The following PPP1R14B variants were observed in gnomAD, a reference collection of about 807,000 sequenced individuals.
The protein encoded by PPP1R14B is protein phosphatase 1 regulatory subunit 14B.
PPP1R14B carries 4 observed loss-of-function variants against 14.7 expected under a neutral mutation model. The observed-to-expected ratio is 0.27, with a 90% confidence interval of 0.13 to 0.62. PPP1R14B has a LOEUF of 0.62. Ranked by LOEUF, PPP1R14B falls within the 20% of genes least tolerant of loss-of-function variation. The pLI, the probability that PPP1R14B is intolerant of heterozygous loss-of-function variation, is 0.85. For missense variants in PPP1R14B, 138 were observed against 201.5 expected (o/e 0.68, Z 1.91); for synonymous variants, 76 against 87.3 (o/e 0.87, Z 0.72).
intron 1 of PPP1R14B, chr11:64,245,934 G>A (rs11605738): frequency 0.17 from 26,620 of 159,818 alleles, 2,498 homozygotes; most frequent in Admixed American, 0.27. Flanking sequence ...GAACAACCAG[G>A]GAGTCATGGG....
chr11:64,244,745 C>T lies in PPP1R14B; in HGVS notation c.*9G>A, dbSNP rs761717693. On this transcript the variant is annotated 3_prime_UTR_variant, in exon 4 of 4. Coordinates refer to ENST00000309318, the MANE Select transcript of PPP1R14B (RefSeq NM_138689.3). Reference sequence around the variant, plus strand: ...TGTGGGAGCCACCGTTCTCCTGGGTCGGGGACCGTCACTTCTTCTGGGGTG... The same window carrying T: ...TGTGGGAGCCACCGTTCTCCTGGGTTGGGGACCGTCACTTCTTCTGGGGTG... 58 of 1,612,390 alleles carry T rather than the reference C, an allele frequency of 3.6e-5. No homozygotes were observed. Among genetic ancestry groups the T allele is most frequent in the Admixed American group, 6.7e-5 (4 of 59,990 alleles).
chr11:64,245,003 G>A, intron 2 of PPP1R14B, 41 bp from the exon 3 acceptor site: 1 of 1,584,112 alleles, frequency 6.3e-7, no homozygotes, highest in Non-Finnish European at 8.6e-7. Flanking sequence ...GAGTCCTCAG[G>A]AGTGGGGGCC....
Position 64,246,728 on chromosome 11 carries a change from C to T in PPP1R14B, c.-55G>A. 1 of 1,000,368 alleles carries T rather than the reference C, an allele frequency of 1.0e-6. No homozygotes were observed. The highest frequency in any genetic ancestry group is 5.0e-4 in the Middle Eastern group (1 of 1,998). 62.0% of individuals were successfully genotyped at this position (1,000,368 alleles called of 1,614,324 possible). A position where few individuals can be genotyped will look rare whatever the true frequency, so the allele number is the denominator to read the frequency against. ...GGGCCCCTCCCTGCGCCACCGCCTC[C>T]GGGACGCCCGCCGGCTGGCTCGGGT... On this transcript the variant is annotated 5_prime_UTR_variant, in exon 1 of 4. Coordinates refer to ENST00000309318, the MANE Select transcript of PPP1R14B (RefSeq NM_138689.3).
intron 1 of PPP1R14B, chr11:64,245,574 A>G: frequency 2.4e-6 from 1 of 420,096 alleles, no homozygotes; most frequent in Admixed American, 4.1e-5. Flanking sequence ...AACCCAGCAG[A>G]TGTGTCTCCC....
chr11:64,244,915 C>T lies in PPP1R14B; in HGVS notation c.375+15G>A. The T allele has an allele frequency of 2.5e-6, 4 of 1,612,158 alleles. No individual in the cohort carries two copies. The highest frequency in any genetic ancestry group is 3.4e-6 in the Non-Finnish European group (4 of 1,178,636). On this transcript the variant is annotated intron_variant, in intron 3 of 3. Coordinates refer to ENST00000309318, the MANE Select transcript of PPP1R14B (RefSeq NM_138689.3). ...CACCCTGCCACCCCCGCCAGCCCCCCAGGAAATCTCTTACCTCTGTGGGTT... is the reference window on the plus strand; with the variant it reads ...CACCCTGCCACCCCCGCCAGCCCCCTAGGAAATCTCTTACCTCTGTGGGTT...
chr11:64,244,881 G>T (rs747699319), intron 3 of PPP1R14B, 49 bp downstream of exon 3: 1 of 1,612,128 alleles, frequency 6.2e-7, no homozygotes, highest in Non-Finnish European at 8.5e-7. Context: ...ACAGGAGCCG[G>T]GCTCCCCTCA....
chr11:64,245,236 C>G lies in PPP1R14B; in HGVS notation c.310G>C (p.Glu104Gln). 6.2e-7 allele frequency: 1 copy of G among 1,613,652 alleles called. No homozygotes were observed. Among genetic ancestry groups the G allele is most frequent in the Non-Finnish European group, 8.5e-7 (1 of 1,179,698 alleles). Residue 104 changes from glutamate to glutamine, a missense_variant, in exon 2 of 4, where the codon GAG (glutamate) becomes CAG (glutamine). Physicochemically the swap from Glu to Gln is conservative, Grantham distance 29. Around this residue, in one of 3 missense-constraint regions of PPP1R14B, gnomAD observed 84 missense variants for 137.5 expected, o/e 0.61. Coordinates refer to ENST00000309318, the MANE Select transcript of PPP1R14B (RefSeq NM_138689.3). ...EIDVDELLDMESDDARAARVK... is the reference protein window; with the variant it reads ...EIDVDELLDMQSDDARAARVK... Reference sequence around the variant, plus strand: ...CTGGCAGCCCGGGCATCGTCACTCTCCATGTCCAGGAGCTCATCCACGTCA... The same window carrying G: ...CTGGCAGCCCGGGCATCGTCACTCTGCATGTCCAGGAGCTCATCCACGTCA...
At chr11:64,245,034 T>C in intron 2 of PPP1R14B, 72 bp from the exon 3 acceptor site, 2 of 1,507,810 alleles carry the variant, frequency 1.3e-6, no homozygotes, top group Non-Finnish European at 1.8e-6. Flanking sequence ...CTATACCCAC[T>C]TCCAAGAGAC....
chr11:64,246,344 G>T, intron 1 of PPP1R14B, 72 bp downstream of exon 1: 1 of 1,538,914 alleles, frequency 6.5e-7, no homozygotes, highest in Non-Finnish European at 8.8e-7. Context: ...TGACAGGCGA[G>T]CTCACAGTGG....
rs2030818080 is a variant in PPP1R14B at position 64,245,033 on chromosome 11, C to G, written c.343-71G>C. On this transcript the variant is annotated intron_variant, in intron 2 of 3. Coordinates refer to ENST00000309318, the MANE Select transcript of PPP1R14B (RefSeq NM_138689.3). Reference sequence around the variant, plus strand: ...GGGGCCTGGAGCTCGCCTATACCCACTTCCAAGAGACTGGGGCCACCCTGA... The same window carrying G: ...GGGGCCTGGAGCTCGCCTATACCCAGTTCCAAGAGACTGGGGCCACCCTGA... The G allele has an allele frequency of 2.0e-6, 3 of 1,508,864 alleles. No individual in the cohort carries two copies. The Admixed American group carries it at 5.8e-5, about 29-fold the overall frequency. 93.5% of individuals were successfully genotyped at this position (1,508,864 alleles called of 1,614,324 possible). A position where few individuals can be genotyped will look rare whatever the true frequency, so the allele number is the denominator to read the frequency against.
In PPP1R14B at chr11:64,244,910, C is replaced by T. The variant is rs763120852; in HGVS notation, c.375+20G>A. 35 of 1,611,220 alleles carry T rather than the reference C, an allele frequency of 2.2e-5. No individual in the cohort carries two copies. Among genetic ancestry groups the T allele is most frequent in the Admixed American group, 6.7e-5 (4 of 59,866 alleles). ...CCCCTCACCCTGCCACCCCCGCCAG[C>T]CCCCCAGGAAATCTCTTACCTCTGT... On this transcript the variant is annotated intron_variant, in intron 3 of 3. Transcript: ENST00000309318.
rs2030792544 is a variant in PPP1R14B at position 64,244,592 on chromosome 11, A to G, written c.*162T>C. ...TAACAATAAAAAACCCCAAAAGTGG[A>G]AAACTGAGGGGGCAGGGGAAGAGAC... On this transcript the variant is annotated 3_prime_UTR_variant, in exon 4 of 4. Transcript: ENST00000309318. 7.1e-7 allele frequency: 1 copy of G among 1,411,590 alleles called. No individual in the cohort carries two copies. Among genetic ancestry groups the G allele is most frequent in the Admixed American group, 2.7e-5 (1 of 36,762 alleles). 87.4% of individuals were successfully genotyped at this position (1,411,590 alleles called of 1,614,324 possible).
At chr11:64,245,461 A>C (rs2135020912) in intron 1 of PPP1R14B, 174 bp from the exon 2 acceptor site, 168 of 349,934 alleles carry the variant, frequency 4.8e-4, no homozygotes, top group East Asian at 9.0e-4. Flanking sequence ...GCCAAGGCAA[A>C]CTGCCCAAAG....
At chr11:64,246,361 C>A in intron 1 of PPP1R14B, 55 bp downstream of exon 1, 1 of 1,556,656 alleles carries the variant, frequency 6.4e-7, no homozygotes, top group Non-Finnish European at 8.7e-7. Flanking sequence ...GTGGAGCTGC[C>A]AGGCGGACCG....
intron 1 of PPP1R14B, 117 bp downstream of exon 1, chr11:64,246,299 A>C: frequency 3.4e-4 from 448 of 1,300,214 alleles, no homozygotes; most frequent in Non-Finnish European, 4.4e-4. Context: ...AGGGGAGGGG[A>C]GCGCGCGGGG....
chr11:64,246,015 CAGAACAGCCCAG>C (rs2030863805), intron 1 of PPP1R14B: 1 of 181,546 alleles, frequency 5.5e-6, no homozygotes, highest in Non-Finnish European at 1.2e-5. Context: ...GGCTAGCCCA[CAGAACAGCCCAG>C]CCGCAGCCGT....
At chr11:64,245,071 G>T in intron 2 of PPP1R14B, 109 bp from the exon 3 acceptor site, 1 of 1,454,904 alleles carries the variant, frequency 6.9e-7, no homozygotes, top group Non-Finnish European at 9.4e-7. Flanking sequence ...CACAGGAGAT[G>T]CCACAACAAC....
In PPP1R14B at chr11:64,244,618, C is replaced by T; in HGVS notation, c.*136G>A. The T allele has an allele frequency of 6.9e-7, 1 of 1,458,978 alleles. No homozygotes were observed. The highest frequency in any genetic ancestry group is 1.3e-5 in the South Asian group (1 of 76,078). The allele number at this position is 1,458,978 out of a possible 1,614,324, so 90.4% of individuals were successfully genotyped here. On this transcript the variant is annotated 3_prime_UTR_variant, in exon 4 of 4. Transcript: ENST00000309318. ...AAACTGAGGGGGCAGGGGAAGAGACCCCTGGGCCAGGGGCACGAGGAGCCC... is the reference window on the plus strand; with the variant it reads ...AAACTGAGGGGGCAGGGGAAGAGACTCCTGGGCCAGGGGCACGAGGAGCCC...
At position 64,245,332 on chromosome 11, in the gene PPP1R14B, GGA is replaced by G. The variant is rs752089591; in HGVS notation, c.259-47_259-46del. 1.9e-5 allele frequency: 30 copies of G among 1,554,392 alleles called. No individual in the cohort carries two copies. In the East Asian group the frequency reaches 6.3e-4, roughly 33 times the overall value. Reference sequence around the variant, plus strand: ...GGAGGGAGAGACATAAGCCTGAGTTGGAGAGAGGGTGTGAGAGGGGCTCTGGG... The same window carrying G: ...GGAGGGAGAGACATAAGCCTGAGTTGGAGAGGGTGTGAGAGGGGCTCTGGG... On this transcript the variant is annotated intron_variant, in intron 1 of 3. Coordinates refer to ENST00000309318, the MANE Select transcript of PPP1R14B (RefSeq NM_138689.3).
Sources: allele counts gnomAD v4.1 joint callset, GRCh38; gene constraint gnomAD v4.1.1; regional missense constraint gnomAD v4.1.1; transcripts MANE v1.5; gene names NCBI Gene and HGNC (gene_info 2026-07-23, HGNC 2026-07-21).